The following SDK1 variants were observed in gnomAD, a reference collection of about 807,000 sequenced individuals.
The protein encoded by SDK1 is protein sidekick-1.
A neutral mutation model predicts 245.5 loss-of-function variants in SDK1; 157 were observed. That is an observed-to-expected ratio of 0.64 (90% confidence interval 0.56 to 0.73). The LOEUF is 0.73. Ranked by LOEUF, SDK1 falls within the 30% of genes least tolerant of loss-of-function variation. The pLI, the probability that SDK1 is intolerant of heterozygous loss-of-function variation, is 0.00. For missense variants in SDK1, 3,583 were observed against 3,002.3 expected (o/e 1.19, Z -4.52); for synonymous variants, 1,647 against 1,278.5 (o/e 1.29, Z -6.15).
intron 4 of SDK1, among the ~76,000 whole-genome samples, chr7:3,707,591 A>G (rs1419319282): frequency 6.6e-6 from 1 of 152,144 alleles, no homozygotes; most frequent in Admixed American, 6.5e-5. Flanking sequence ...GTTTAAGTCC[A>G]TTGTTTGTTC....
rs571068707 is a variant in SDK1 at position 4,125,533 on chromosome 7, A to T, written c.3824-1848A>T. Among the ~76,000 whole-genome samples, 3 of 152,212 alleles carry T rather than the reference A, an allele frequency of 2.0e-5. No individual in the cohort carries two copies. The South Asian group carries it at 6.2e-4, about 32-fold the overall frequency. On this transcript the variant is annotated intron_variant, in intron 25 of 44. Transcript: ENST00000404826. ...TGGATGGAGATGGATGGATGGTTGG[A>T]TGGATAGATGAGTGGGTCTATGAAA...
At chr7:4,196,420 C>T (rs759615320) in intron 35 of SDK1, among the ~76,000 whole-genome samples, 5 of 152,238 alleles carry the variant, frequency 3.3e-5, no homozygotes, top group Non-Finnish European at 5.9e-5. Context: ...CAAACCTTCC[C>T]AGAGAAACCT....
At position 4,255,709 on chromosome 7, in the gene SDK1, TA is replaced by T. The variant is rs543871284; in HGVS notation, c.6382-9412del. Among the ~76,000 whole-genome samples the T allele has an allele frequency of 3.4e-3, 516 of 152,266 alleles. 4 individuals carry two copies. The highest frequency in any genetic ancestry group is 0.012 in the African/African-American group (497 of 41,536). ...GATGCCAGAACTTTCCTCTCCAAGT[TA>T]AATTCCTAAACCAGCAGCCCTGCCT... is the stretch of plus-strand genomic sequence containing the variant. On this transcript the variant is annotated intron_variant, in intron 44 of 44. Transcript: ENST00000404826.
At chr7:3,757,418 A>G (rs921435497) in intron 4 of SDK1, among the ~76,000 whole-genome samples, 23 of 152,130 alleles carry the variant, frequency 1.5e-4, no homozygotes, top group African/African-American at 4.6e-4. Context: ...ATTATTTTTA[A>G]TAGAGATGGG....
At chr7:3,793,025 T>A (rs1440495574) in intron 4 of SDK1, among the ~76,000 whole-genome samples, 1 of 152,174 alleles carries the variant, frequency 6.6e-6, no homozygotes, top group East Asian at 1.9e-4. Flanking sequence ...CTGAGAATTG[T>A]GTAGGAGCTA....
intron 5 of SDK1, among the ~76,000 whole-genome samples, chr7:3,908,421 C>T (rs951003487): frequency 1.3e-5 from 2 of 152,200 alleles, no homozygotes; most frequent in East Asian, 3.9e-4. Context: ...CACATCCCTT[C>T]ATACACGGCT....
chr7:3,529,171 T>TA (rs1440453815), intron 1 of SDK1, among the ~76,000 whole-genome samples: 1 of 152,152 alleles, frequency 6.6e-6, no homozygotes, highest in Non-Finnish European at 1.5e-5. Flanking sequence ...TGTAAACACA[T>TA]GGTTTTGGAA....
At chr7:3,636,139 C>G (rs1056046690) in intron 2 of SDK1, among the ~76,000 whole-genome samples, 4 of 152,152 alleles carry the variant, frequency 2.6e-5, no homozygotes, top group Non-Finnish European at 5.9e-5. Context: ...GCCCATGAAA[C>G]TTTCACCACT....
chr7:3,514,782 C>G (rs1166000104), intron 1 of SDK1, among the ~76,000 whole-genome samples: 1 of 152,152 alleles, frequency 6.6e-6, no homozygotes, highest in African/African-American at 2.4e-5. Context: ...TTATGCCCAG[C>G]TGAAAATCAG....
chr7:3,655,501 A>ATATGTATGTATG (rs1283673481), intron 4 of SDK1, among the ~76,000 whole-genome samples: 11 of 52,820 alleles, frequency 2.1e-4, no homozygotes, highest in African/African-American at 4.0e-4. Context: ...ATATATATAT[A>ATATGTATGTATG]TATGTATGTA....
At chr7:3,577,632 T>G (rs1780336824) in intron 1 of SDK1, among the ~76,000 whole-genome samples, 1 of 152,064 alleles carries the variant, frequency 6.6e-6, no homozygotes, top group Non-Finnish European at 1.5e-5. Flanking sequence ...GAACCTGTTT[T>G]GTGTCAGATA....
intron 1 of SDK1, among the ~76,000 whole-genome samples, chr7:3,488,309 CT>C (rs1236838482): frequency 6.6e-6 from 1 of 151,986 alleles, no homozygotes; most frequent in African/African-American, 2.4e-5. Flanking sequence ...TCTTTAACTT[CT>C]TTTTTTGATA....
At chr7:4,087,593 C>T (rs922741702) in intron 22 of SDK1, among the ~76,000 whole-genome samples, 1 of 152,180 alleles carries the variant, frequency 6.6e-6, no homozygotes, top group Non-Finnish European at 1.5e-5. Context: ...CCTCTTTTCA[C>T]TTGTTTAAAT....
intron 14 of SDK1, among the ~76,000 whole-genome samples, chr7:4,005,547 G>A (rs375895095): frequency 1.3e-4 from 19 of 151,838 alleles, no homozygotes; most frequent in Admixed American, 1.1e-3. Flanking sequence ...CTAGGTAGCC[G>A]CCACCTGTGA....
At chr7:4,139,561 A>ATGTGTGTGTATG (rs71032928) in intron 28 of SDK1, among the ~76,000 whole-genome samples, 2 of 21,588 alleles carry the variant, frequency 9.3e-5, no homozygotes, top group African/African-American at 1.3e-4. Flanking sequence ...ATATGTATAT[A>ATGTGTGTGTATG]TGTGTGTATA....
intron 4 of SDK1, among the ~76,000 whole-genome samples, chr7:3,732,302 A>G (rs1044883300): frequency 2.0e-5 from 3 of 152,212 alleles, no homozygotes; most frequent in East Asian, 1.9e-4. Flanking sequence ...ATTTATAGGC[A>G]TGTGTAAATA....
chr7:3,967,233 TA>T, intron 9 of SDK1, 84 bp from the exon 10 acceptor site: 2 of 1,054,550 alleles, frequency 1.9e-6, no homozygotes, highest in Non-Finnish European at 2.9e-6. Flanking sequence ...ATTGGCTCTC[TA>T]AAGCCCGTGC....
chr7:3,480,814 G>A (rs1394196860), intron 1 of SDK1, among the ~76,000 whole-genome samples: 2 of 152,174 alleles, frequency 1.3e-5, no homozygotes, highest in Admixed American at 1.3e-4. Flanking sequence ...TGAGGAAATG[G>A]ATTCATCTCT....
chr7:3,727,219 G>A (rs927074036), intron 4 of SDK1, among the ~76,000 whole-genome samples: 1 of 152,236 alleles, frequency 6.6e-6, no homozygotes, highest in Non-Finnish European at 1.5e-5. Flanking sequence ...GGCAGATAGA[G>A]AAGCATGTTA....
Sources: allele counts gnomAD v4.1 joint callset (sites outside exome capture counted in the v4.1 genomes callset), GRCh38; gene constraint gnomAD v4.1.1; transcripts MANE v1.5; gene names NCBI Gene and HGNC (gene_info 2026-07-23, HGNC 2026-07-21).